The following PITPNC1 variants were observed in gnomAD, a reference collection of about 807,000 sequenced individuals.
PITPNC1 encodes cytoplasmic phosphatidylinositol transfer protein 1.
PITPNC1 carries 18 observed loss-of-function variants against 44.7 expected under a neutral mutation model. The ratio of observed to expected loss-of-function variants is 0.40; its 90% CI spans 0.28 to 0.60. The LOEUF (loss-of-function observed/expected upper bound fraction) is 0.60. PITPNC1 is among the 20% of genes least tolerant of loss of function. PITPNC1 has a pLI of 0.39. For synonymous variants in PITPNC1, 141 were observed against 149.6 expected (o/e 0.94, Z 0.42); for missense variants, 290 against 418.4 (o/e 0.69, Z 2.68).
chr17:67,599,451 C>T (rs2041513358), intron 5 of PITPNC1, among the ~76,000 whole-genome samples: 1 of 151,928 alleles, frequency 6.6e-6, no homozygotes, highest in Non-Finnish European at 1.5e-5. Context: ...AAGGATGGAA[C>T]CTGGGGGAAT....
intron 1 of PITPNC1, among the ~76,000 whole-genome samples, chr17:67,384,388 G>T (rs1302779826): frequency 6.6e-6 from 1 of 151,778 alleles, no homozygotes; most frequent in Non-Finnish European, 1.5e-5. Context: ...GGAATGACAT[G>T]AATGGAAATG....
At chr17:67,431,043 C>A (rs2038848394) in intron 1 of PITPNC1, among the ~76,000 whole-genome samples, 1 of 145,682 alleles carries the variant, frequency 6.9e-6, no homozygotes, top group Non-Finnish European at 1.5e-5. Flanking sequence ...TTAATTTTTA[C>A]TCTTTTTAGT....
At chr17:67,515,083 T>C (rs1420914258) in intron 1 of PITPNC1, among the ~76,000 whole-genome samples, 1 of 152,198 alleles carries the variant, frequency 6.6e-6, no homozygotes, top group East Asian at 1.9e-4. Context: ...TGGTTAAAAA[T>C]CAGATTTGTC....
At chr17:67,628,613 G>A (rs953434953) in intron 5 of PITPNC1, among the ~76,000 whole-genome samples, 1 of 152,200 alleles carries the variant, frequency 6.6e-6, no homozygotes, top group Non-Finnish European at 1.5e-5. Flanking sequence ...CCTGAGCCAG[G>A]GCTGGTTCAC....
intron 7 of PITPNC1, 71 bp downstream of exon 7, chr17:67,669,734 G>T: frequency 9.1e-7 from 1 of 1,101,968 alleles, no homozygotes; most frequent in South Asian, 1.5e-5. Context: ...TGGAGTCCAT[G>T]ATACACAACA....
chr17:67,462,698 ATTTTTTT>A (rs34015766), intron 1 of PITPNC1, among the ~76,000 whole-genome samples: 3 of 122,360 alleles, frequency 2.5e-5, no homozygotes, highest in Non-Finnish European at 5.0e-5. Flanking sequence ...CACAATTGGA[ATTTTTTT>A]TTTTTTTTTT....
At chr17:67,685,890 G>C (rs978036864) in intron 8 of PITPNC1, among the ~76,000 whole-genome samples, 4 of 151,986 alleles carry the variant, frequency 2.6e-5, no homozygotes, top group African/African-American at 9.7e-5. Context: ...GAGTGCAGTG[G>C]TGTGATCTCA....
chr17:67,650,539 C>T (rs1263457940), intron 6 of PITPNC1, among the ~76,000 whole-genome samples: 1 of 147,982 alleles, frequency 6.8e-6, no homozygotes, highest in Non-Finnish European at 1.5e-5. Flanking sequence ...ACCTCTGCCT[C>T]TCGGGTTTAA....
chr17:67,444,890 C>T (rs1004844515), intron 1 of PITPNC1, among the ~76,000 whole-genome samples: 6 of 151,582 alleles, frequency 4.0e-5, no homozygotes, highest in African/African-American at 1.2e-4. Flanking sequence ...GAGCGAGACT[C>T]GGTCTCAAAA....
At chr17:67,590,826 A>G (rs1013504819) in intron 5 of PITPNC1, among the ~76,000 whole-genome samples, 4 of 151,908 alleles carry the variant, frequency 2.6e-5, no homozygotes, top group African/African-American at 9.7e-5. Flanking sequence ...GGTGGTGGGC[A>G]CCTGTAATCC....
chr17:67,533,010 GA>G, intron 2 of PITPNC1, 60 bp downstream of exon 2: 1 of 1,377,338 alleles, frequency 7.3e-7, no homozygotes, highest in South Asian at 1.3e-5. Context: ...CCCATGGTGT[GA>G]CAGTGGAGGC....
chr17:67,652,281 T>G (rs957707219), intron 6 of PITPNC1, among the ~76,000 whole-genome samples: 6 of 152,114 alleles, frequency 3.9e-5, no homozygotes, highest in South Asian at 2.1e-4. Flanking sequence ...CCTGTGGGCT[T>G]CTCCTTGCAC....
At chr17:67,609,806 T>G (rs1279543113) in intron 5 of PITPNC1, among the ~76,000 whole-genome samples, 1 of 150,542 alleles carries the variant, frequency 6.6e-6, no homozygotes, top group Non-Finnish European at 1.5e-5. Context: ...AAAAGCCACA[T>G]CCCTTGGATC....
At chr17:67,628,812 T>G (rs997801367) in intron 5 of PITPNC1, among the ~76,000 whole-genome samples, 1 of 152,188 alleles carries the variant, frequency 6.6e-6, no homozygotes. Flanking sequence ...TGAGCAACTA[T>G]GCACTCCAGG....
At position 67,499,237 on chromosome 17, in the gene PITPNC1, C is replaced by T. The variant is rs530427159; in HGVS notation, c.49-33565C>T. Among the ~76,000 whole-genome samples, 3 of 152,092 alleles carry T rather than the reference C, an allele frequency of 2.0e-5. No homozygotes were observed. The East Asian group carries it at 5.8e-4, about 29-fold the overall frequency. ...GCCCGTTTTTATTTATTTTGAGAAGCAGAGTCTCGCTCTGTTGCCCATGTT... is the reference window on the plus strand; with the variant it reads ...GCCCGTTTTTATTTATTTTGAGAAGTAGAGTCTCGCTCTGTTGCCCATGTT... On this transcript the variant is annotated intron_variant, in intron 1 of 8. Transcript: ENST00000581322.
chr17:67,618,536 A>G (rs2041790223), intron 5 of PITPNC1, among the ~76,000 whole-genome samples: 2 of 150,910 alleles, frequency 1.3e-5, no homozygotes, highest in African/African-American at 4.9e-5. Context: ...GAATCACCTG[A>G]GGTCAGGAGT....
intron 2 of PITPNC1, among the ~76,000 whole-genome samples, chr17:67,550,087 T>A (rs1402115757): frequency 1.3e-5 from 2 of 152,180 alleles, no homozygotes; most frequent in Non-Finnish European, 2.9e-5. Flanking sequence ...ATGGATGGAA[T>A]ACATCATCAG....
At chr17:67,628,419 T>C (rs2144325994) in intron 5 of PITPNC1, among the ~76,000 whole-genome samples, 1 of 152,028 alleles carries the variant, frequency 6.6e-6, no homozygotes. Flanking sequence ...ATAGGAGAAA[T>C]GTAATAGAAG....
chr17:67,511,514 T>A lies in PITPNC1; in HGVS notation c.49-21288T>A, dbSNP rs186050992. Among the ~76,000 whole-genome samples the A allele has an allele frequency of 5.1e-3, 779 of 152,240 alleles. 7 individuals are homozygous for A. Among genetic ancestry groups the A allele is most frequent in the African/African-American group, 0.018 (740 of 41,546 alleles). On this transcript the variant is annotated intron_variant, in intron 1 of 8. Transcript: ENST00000581322. ...CACCTCGTCAATACTGGCTAGCTGTTCTTTTTCTTTTTGAGACAGAGTCTT... is the reference window on the plus strand; with the variant it reads ...CACCTCGTCAATACTGGCTAGCTGTACTTTTTCTTTTTGAGACAGAGTCTT...
Sources: gnomAD v4.1 joint callset for allele counts (sites outside exome capture counted in the v4.1 genomes callset) on GRCh38, gnomAD v4.1.1 for gene constraint, MANE v1.5 for transcripts, NCBI Gene and HGNC (gene_info 2026-07-23, HGNC 2026-07-21) for gene names.